Variants in STK3 observed in about 807,000 individuals in gnomAD.
STK3 encodes the protein serine/threonine-protein kinase 3.
A neutral mutation model predicts 58.0 loss-of-function variants in STK3; 41 were observed. That is an observed-to-expected ratio of 0.71 (90% confidence interval 0.55 to 0.92). The LOEUF (loss-of-function observed/expected upper bound fraction) is 0.92. Ranked by LOEUF, STK3 falls within the 40% of genes least tolerant of loss-of-function variation. STK3 has a pLI of 0.00. For missense variants in STK3, 479 were observed against 602.7 expected, an observed-to-expected ratio of 0.79 and a Z score of 2.15; for synonymous variants, 170 against 191.0, an observed-to-expected ratio of 0.89 and a Z score of 0.91.
intron 6 of STK3, among the ~76,000 whole-genome samples, chr8:98,661,416 T>A (rs190681763): frequency 6.6e-6 from 1 of 152,242 alleles, no homozygotes; most frequent in Non-Finnish European, 1.5e-5. Context: ...TGTCCCTTTT[T>A]CTCTATCACC....
At chr8:98,801,830 C>CA (rs1277649179) in intron 1 of STK3, among the ~76,000 whole-genome samples, 2 of 152,002 alleles carry the variant, frequency 1.3e-5, no homozygotes, top group Non-Finnish European at 2.9e-5. Context: ...TCTAGCACTT[C>CA]AAAACAGTAA....
chr8:98,749,902 A>C (rs970152960), intron 3 of STK3, among the ~76,000 whole-genome samples: 1 of 152,112 alleles, frequency 6.6e-6, no homozygotes, highest in Admixed American at 6.5e-5. Context: ...TTAGCAATTT[A>C]ATTTCTAAAC....
chr8:98,761,092 C>T (rs1830588021), intron 3 of STK3, among the ~76,000 whole-genome samples: 1 of 151,318 alleles, frequency 6.6e-6, no homozygotes, highest in South Asian at 2.1e-4. Context: ...AAATGGAATA[C>T]TATTTGAAAA....
chr8:98,823,552 T>A (rs947446367), intron 1 of STK3, among the ~76,000 whole-genome samples: 2 of 152,310 alleles, frequency 1.3e-5, no homozygotes, highest in East Asian at 3.9e-4. Context: ...TCTTTGAGCC[T>A]CATATAATAA....
chr8:98,358,317 T>G, the STK3 span, among the ~76,000 whole-genome samples: 3 of 152,094 alleles, frequency 2.0e-5, no homozygotes, highest in African/African-American at 7.2e-5. Flanking sequence ...GCAGGTCCAA[T>G]CACACGCCCG....
At chr8:98,711,632 G>A (rs889631119) in intron 4 of STK3, among the ~76,000 whole-genome samples, 3 of 152,118 alleles carry the variant, frequency 2.0e-5, no homozygotes, top group Non-Finnish European at 4.4e-5. Context: ...TATGGGACTA[G>A]GTGAAAAGAC....
intron 3 of STK3, among the ~76,000 whole-genome samples, chr8:98,857,411 T>C (rs939334797): frequency 1.3e-5 from 2 of 150,106 alleles, no homozygotes; most frequent in Admixed American, 6.6e-5. Context: ...CGAAAACTGT[T>C]ACTTGGGAGC....
At chr8:98,802,798 A>G (rs1299160779) in intron 1 of STK3, among the ~76,000 whole-genome samples, 3 of 152,250 alleles carry the variant, frequency 2.0e-5, no homozygotes, top group Non-Finnish European at 4.4e-5. Flanking sequence ...ACTCATTGAT[A>G]TAAAAAGAAT....
At chr8:98,739,940 T>G (rs1291272308) in intron 4 of STK3, among the ~76,000 whole-genome samples, 2 of 151,594 alleles carry the variant, frequency 1.3e-5, no homozygotes, top group Non-Finnish European at 2.9e-5. Context: ...GAGAACTACG[T>G]GAAGAATGCA....
chr8:98,816,057 G>A (rs562188488), intron 1 of STK3, among the ~76,000 whole-genome samples: 21 of 152,216 alleles, frequency 1.4e-4, no homozygotes, highest in African/African-American at 4.8e-4. Context: ...CCAGCTGCAC[G>A]TTTGCAGAAA....
intron 3 of STK3, among the ~76,000 whole-genome samples, chr8:98,841,035 C>T (rs758328701): frequency 6.6e-6 from 1 of 152,210 alleles, no homozygotes; most frequent in Non-Finnish European, 1.5e-5. Context: ...AGGTCCCAGC[C>T]ATGTGGCCGT....
chr8:98,559,393 G>T (rs532787416), intron 8 of STK3, among the ~76,000 whole-genome samples: 1 of 152,246 alleles, frequency 6.6e-6, no homozygotes, highest in East Asian at 1.9e-4. Context: ...AGAGCTAAAC[G>T]CAGTATTCCA....
At chr8:98,418,875 T>C (rs1335066670) in intron 3 of STK3, among the ~76,000 whole-genome samples, 3 of 152,188 alleles carry the variant, frequency 2.0e-5, no homozygotes, top group Non-Finnish European at 4.4e-5. Flanking sequence ...CCCTCTGTGC[T>C]CCACTCTGCC....
intron 1 of STK3, among the ~76,000 whole-genome samples, chr8:98,799,236 A>C (rs1425858429): frequency 1.3e-5 from 2 of 152,162 alleles, no homozygotes; most frequent in African/African-American, 4.8e-5. Context: ...CATTAGTATT[A>C]CATGCAGTGC....
In STK3 at chr8:98,596,131, G is replaced by C; in HGVS notation, c.723C>G (p.Phe241Leu). ...CATCGGACCAAAGTTCTGGCTTTCTGAATGTTGGTGGTGGATTTGTGGGAA... is the reference window on the plus strand; with the variant it reads ...CATCGGACCAAAGTTCTGGCTTTCTCAATGTTGGTGGTGGATTTGTGGGAA... ...FMIPTNPPPT[F>L]RKPELWSDDF... is the part of the protein sequence containing the mutation. Residue 241 changes from phenylalanine (F) to leucine (L), a missense_variant, in exon 7 of 11, where the codon TTC (phenylalanine) becomes TTG (leucine). This residue lies in a region of STK3 where 309 missense variants were observed against 355.7 expected (regional missense o/e 0.87). Coordinates refer to ENST00000419617, the MANE Select transcript of STK3 (RefSeq NM_006281.4). 1 of 1,613,052 alleles carries C rather than the reference G, an allele frequency of 6.2e-7. No individual in the cohort carries two copies. The highest frequency in any genetic ancestry group is 8.5e-7 in the Non-Finnish European group (1 of 1,179,472).
At chr8:98,509,789 C>T (rs1824362115) in intron 10 of STK3, among the ~76,000 whole-genome samples, 1 of 151,916 alleles carries the variant, frequency 6.6e-6, no homozygotes, top group Non-Finnish European at 1.5e-5. Flanking sequence ...GATTCACCTA[C>T]CATATTCTAT....
At chr8:98,738,037 G>C (rs1276430825) in intron 4 of STK3, among the ~76,000 whole-genome samples, 4 of 152,156 alleles carry the variant, frequency 2.6e-5, no homozygotes, top group Non-Finnish European at 5.9e-5. Flanking sequence ...ATTTAAAAAT[G>C]CATTTAAATA....
chr8:98,896,226 T>G (rs1411838251), intron 1 of STK3, among the ~76,000 whole-genome samples: 1 of 152,208 alleles, frequency 6.6e-6, no homozygotes, highest in Non-Finnish European at 1.5e-5. Flanking sequence ...ACTAGTACCC[T>G]ATTAATCTTC....
chr8:98,494,842 T>C (rs1017199710), intron 10 of STK3, among the ~76,000 whole-genome samples: 12 of 151,908 alleles, frequency 7.9e-5, no homozygotes, highest in African/African-American at 2.4e-4. Flanking sequence ...ACAGCTACTG[T>C]GGAAGAGAGA....
Sources: gnomAD v4.1 joint callset for allele counts (sites outside exome capture counted in the v4.1 genomes callset) on GRCh38, gnomAD v4.1.1 for gene constraint, gnomAD v4.1.1 regional missense constraint, MANE v1.5 for transcripts, NCBI Gene and HGNC (gene_info 2026-07-23, HGNC 2026-07-21) for gene names.